METAP2: variants seen among roughly 807,000 people sequenced by gnomAD.
The protein encoded by METAP2 is methionyl aminopeptidase 2, also known as methionine aminopeptidase 2.
METAP2 carries 25 observed loss-of-function variants against 59.4 expected under a neutral mutation model. That is an observed-to-expected ratio of 0.42 (90% CI 0.31 to 0.59). The LOEUF is 0.59. METAP2 is among the 20% of genes least tolerant of loss of function. The probability of loss-of-function intolerance (pLI) is 0.16; values close to 1 mark genes in which losing one functional copy is unlikely to be tolerated. For synonymous variants in METAP2, 214 were observed against 194.1 expected (o/e 1.10, Z -0.85); for missense variants, 366 against 581.2 (o/e 0.63, Z 3.81).
chr12:95,514,218 T>C lies in METAP2; in HGVS notation c.*314T>C, dbSNP rs1378694260. The C allele has an allele frequency of 3.5e-6, 1 of 281,840 alleles. No individual in the cohort carries two copies. The highest frequency in any genetic ancestry group is 4.9e-5 in the Admixed American group (1 of 20,514). The allele number at this position is 281,840 out of a possible 1,614,324, so 17.5% of individuals were successfully genotyped here. On this transcript the variant is annotated 3_prime_UTR_variant, in exon 11 of 11. Transcript: ENST00000323666. ...CTAAGAGATACTTTTTGGATATTTA[T>C]ATTGCCATATTCTTACTTGAATGCT...
intron 6 of METAP2, 55 bp downstream of exon 6, chr12:95,495,193 G>C: frequency 6.9e-7 from 1 of 1,457,504 alleles, no homozygotes; most frequent in Non-Finnish European, 9.5e-7. Context: ...ACTAGTTTTT[G>C]TCTCTGTTAA....
rs2076436190 is a variant in METAP2 at position 95,514,998 on chromosome 12, C to T, written c.*1094C>T. 6.6e-6 allele frequency: 1 copy of T among 152,608 alleles called. No individual in the cohort carries two copies. The highest frequency in any genetic ancestry group is 1.5e-5 in the Non-Finnish European group (1 of 68,020). 9.5% of individuals were successfully genotyped at this position (152,608 alleles called of 1,614,324 possible). A position where few individuals can be genotyped will look rare whatever the true frequency, so the allele number is the denominator to read the frequency against. Reference sequence around the variant, plus strand: ...CGATGGTAATATTAATTTGTTTGAACTGAGGCCCACTACTGATTCTTTGAC... The same window carrying T: ...CGATGGTAATATTAATTTGTTTGAATTGAGGCCCACTACTGATTCTTTGAC... On this transcript the variant is annotated 3_prime_UTR_variant, in exon 11 of 11. Transcript: ENST00000323666.
At chr12:95,481,588 G>A (rs914628525) in intron 2 of METAP2, among the ~76,000 whole-genome samples, 1 of 152,190 alleles carries the variant, frequency 6.6e-6, no homozygotes, top group Non-Finnish European at 1.5e-5. Context: ...TCTATAAATG[G>A]TGGCTGTTTT....
At chr12:95,507,940 AT>A (rs372529582) in intron 8 of METAP2, among the ~76,000 whole-genome samples, 10,560 of 130,190 alleles carry the variant, frequency 0.081, 521 homozygotes, top group African/African-American at 0.16. Flanking sequence ...ACGCCCAGCA[AT>A]TTTTTTTTTT....
chr12:95,491,859 T>C (rs2076240053), intron 4 of METAP2, among the ~76,000 whole-genome samples: 1 of 152,042 alleles, frequency 6.6e-6, no homozygotes. Context: ...CAGGCTGGAG[T>C]GCAGTGGTGA....
intron 3 of METAP2, 123 bp from the exon 4 acceptor site, chr12:95,485,756 G>T: frequency 1.6e-6 from 1 of 627,416 alleles, no homozygotes. Context: ...GCTTTTAACT[G>T]TGGCAGCAAG....
intron 7 of METAP2, among the ~76,000 whole-genome samples, chr12:95,499,570 A>T (rs1255846244): frequency 2.0e-5 from 3 of 147,156 alleles, no homozygotes; most frequent in South Asian, 2.2e-4. Context: ...CGAATTTAGG[A>T]TTTTTTTTTT....
chr12:95,512,560 A>C (rs2076411080), intron 9 of METAP2, among the ~76,000 whole-genome samples: 1 of 152,068 alleles, frequency 6.6e-6, no homozygotes, highest in South Asian at 2.1e-4. Context: ...AAAAATACAA[A>C]AATTAGCCAG....
intron 7 of METAP2, 129 bp downstream of exon 7, chr12:95,496,227 T>C (rs2076274523): frequency 1.8e-6 from 1 of 557,918 alleles, no homozygotes; most frequent in Non-Finnish European, 3.1e-6. Flanking sequence ...GGAATAAAAT[T>C]GATCCATTTC....
At chr12:95,513,009 T>C (rs369020696) in intron 10 of METAP2, 93 bp downstream of exon 10, 52 of 706,662 alleles carry the variant, frequency 7.4e-5, no homozygotes, top group East Asian at 3.5e-4. Context: ...TACAAAATAG[T>C]ATATTCATGA....
chr12:95,489,542 T>G (rs1218177421), intron 4 of METAP2, among the ~76,000 whole-genome samples: 1 of 152,244 alleles, frequency 6.6e-6, no homozygotes, highest in Non-Finnish European at 1.5e-5. Flanking sequence ...TCAGATTCAG[T>G]ATTCTTACAG....
rs145944087 is a variant in METAP2, at chr12:95,491,719, C to T, written c.429-2337C>T. Reference sequence around the variant, plus strand: ...TAGAAACAGGGTCTTTCTATGTTGCCCAGGCTGGTCTCGAACTCCTGAACT... The same window carrying T: ...TAGAAACAGGGTCTTTCTATGTTGCTCAGGCTGGTCTCGAACTCCTGAACT... On this transcript the variant is annotated intron_variant, in intron 4 of 10. Coordinates refer to ENST00000323666, the MANE Select transcript of METAP2 (RefSeq NM_006838.4). Among the ~76,000 whole-genome samples the T allele has an allele frequency of 9.2e-3, 1,395 of 152,036 alleles. 28 individuals are homozygous for T. Among genetic ancestry groups the T allele is most frequent in the African/African-American group, 0.032 (1,335 of 41,440 alleles).
At chr12:95,474,641 A>C (rs1330709318) in intron 1 of METAP2, among the ~76,000 whole-genome samples, 1 of 152,224 alleles carries the variant, frequency 6.6e-6, no homozygotes, top group Non-Finnish European at 1.5e-5. Flanking sequence ...CGGTCTTGAG[A>C]TTGTGCGCAG....
chr12:95,484,645 A>G (rs2076182476), intron 3 of METAP2: 2 of 288,536 alleles, frequency 6.9e-6, no homozygotes, highest in Non-Finnish European at 1.3e-5. Context: ...TGCCATTAAC[A>G]TTTGTTCTGC....
At chr12:95,486,057 C>G in intron 4 of METAP2, 76 bp downstream of exon 4, 1 of 1,038,344 alleles carries the variant, frequency 9.6e-7, no homozygotes, top group Non-Finnish European at 1.4e-6. Flanking sequence ...TGACATTTCT[C>G]AGAACTTTGC....
chr12:95,513,406 GCA>G (rs1308713194), intron 10 of METAP2, among the ~76,000 whole-genome samples: 1 of 152,038 alleles, frequency 6.6e-6, no homozygotes, highest in East Asian at 1.9e-4. Flanking sequence ...ACACACACAC[GCA>G]CACGCGCGCG....
intron 2 of METAP2, among the ~76,000 whole-genome samples, chr12:95,477,352 A>G (rs2076127901): frequency 6.6e-6 from 1 of 152,088 alleles, no homozygotes; most frequent in Non-Finnish European, 1.5e-5. Context: ...CAGCCTCCCA[A>G]GGTGCTGGGA....
chr12:95,512,363 C>T (rs71458596), intron 9 of METAP2, among the ~76,000 whole-genome samples: 2,787 of 152,098 alleles, frequency 0.018, 34 homozygotes, highest in Non-Finnish European at 0.027. Context: ...AGATAAGGAC[C>T]GCCAGGGGCT....
At chr12:95,493,543 T>TTA (rs2076254661) in intron 4 of METAP2, among the ~76,000 whole-genome samples, 1 of 152,198 alleles carries the variant, frequency 6.6e-6, no homozygotes, top group Non-Finnish European at 1.5e-5. Context: ...AGAATACCTC[T>TTA]TATATTTATG....
Sources: allele counts gnomAD v4.1 joint callset (sites outside exome capture counted in the v4.1 genomes callset), GRCh38; gene constraint gnomAD v4.1.1; transcripts MANE v1.5; gene names NCBI Gene and HGNC (gene_info 2026-07-23, HGNC 2026-07-21).